Variants in MDGA1 observed in about 807,000 individuals in gnomAD.
MDGA1 encodes MAM domain-containing glycosylphosphatidylinositol anchor protein 1.
In MDGA1, 54 loss-of-function variants were observed where a neutral mutation model predicts 101.5. That is an observed-to-expected ratio of 0.53 (90% CI 0.43 to 0.67). The LOEUF is 0.67. Among genes scored for constraint, MDGA1 ranks in the 30% least tolerant of loss-of-function variants. MDGA1 has a pLI of 0.00. For missense variants in MDGA1, 1,083 were observed against 1,323.8 expected, an observed-to-expected ratio of 0.82 and a Z score of 2.82; for synonymous variants, 533 against 558.3, an observed-to-expected ratio of 0.95 and a Z score of 0.64.
chr6:37,663,249 T>C (rs1421639251), intron 2 of MDGA1, among the ~76,000 whole-genome samples: 4 of 152,178 alleles, frequency 2.6e-5, no homozygotes, highest in Non-Finnish European at 1.5e-5. Context: ...AGCCATACAC[T>C]TCGACGGTGA....
Position 37,632,188 on chromosome 6 carries a change from G to A in MDGA1, c.*5180C>T, listed in dbSNP as rs1450707007. On this transcript the variant is annotated 3_prime_UTR_variant, in exon 17 of 17. Transcript: ENST00000434837. ...AACCCTCTTCATACCTTCTTTCATAGCACCAATTTCCCTTCCCAGCCCTCA... is the reference window on the plus strand; with the variant it reads ...AACCCTCTTCATACCTTCTTTCATAACACCAATTTCCCTTCCCAGCCCTCA... The A allele has an allele frequency of 1.3e-5, 2 of 152,076 alleles. No individual in the cohort carries two copies. The highest frequency in any genetic ancestry group is 2.9e-5 in the Non-Finnish European group (2 of 68,036). 9.4% of individuals were successfully genotyped at this position (152,076 alleles called of 1,614,324 possible). A position where few individuals can be genotyped will look rare whatever the true frequency, so the allele number is the denominator to read the frequency against.
chr6:37,656,163 T>G (rs1205039703), intron 3 of MDGA1, among the ~76,000 whole-genome samples: 6 of 151,364 alleles, frequency 4.0e-5, no homozygotes, highest in African/African-American at 1.5e-4. Context: ...CTGCAACCTC[T>G]GATTCCCTGG....
At chr6:37,648,823 G>A (rs964501210) in intron 9 of MDGA1, among the ~76,000 whole-genome samples, 159 bp downstream of exon 9, 1 of 151,654 alleles carries the variant, frequency 6.6e-6, no homozygotes, top group African/African-American at 2.4e-5. Flanking sequence ...TGGCCTTGGC[G>A]TGGGCGGGTC....
rs893715791 is a variant in MDGA1 at position 37,631,112 on chromosome 6, T to C, written c.*6256A>G. On this transcript the variant is annotated 3_prime_UTR_variant, in exon 17 of 17. Transcript: ENST00000434837. ...CATCTTTATTCTACCACAGGTAGAA[T>C]ACAGAAGCACCAGAAGAATACAGAA... 3 of 152,200 alleles carry C rather than the reference T, an allele frequency of 2.0e-5. No homozygotes were observed. The highest frequency in any genetic ancestry group is 4.4e-5 in the Non-Finnish European group (3 of 68,038). The allele number at this position is 152,200 out of a possible 1,614,324, so 9.4% of individuals were successfully genotyped here.
intron 1 of MDGA1, among the ~76,000 whole-genome samples, chr6:37,674,686 A>G (rs1235991944): frequency 6.6e-6 from 1 of 152,202 alleles, no homozygotes; most frequent in East Asian, 1.9e-4. Context: ...AAGCCCTTTA[A>G]TGAGGACTTT....
intron 1 of MDGA1, among the ~76,000 whole-genome samples, chr6:37,664,600 TACACACACACAC>T (rs61046567): frequency 1.4e-4 from 16 of 118,206 alleles, no homozygotes; most frequent in South Asian, 1.2e-3. Flanking sequence ...TCCCCCACAA[TACACACACACAC>T]ACACACACAC....
chr6:37,685,914 T>C (rs1581630635), intron 1 of MDGA1, among the ~76,000 whole-genome samples: 1 of 151,958 alleles, frequency 6.6e-6, no homozygotes, highest in African/African-American at 2.4e-5. Flanking sequence ...GCTGGCAGAG[T>C]GGGGTGAGTG....
At chr6:37,693,020 T>C (rs559712612) in intron 1 of MDGA1, among the ~76,000 whole-genome samples, 1 of 152,202 alleles carries the variant, frequency 6.6e-6, no homozygotes, top group East Asian at 1.9e-4. Flanking sequence ...AGGGCCAAAA[T>C]CAACTTGGGA....
In MDGA1 at chr6:37,638,934, C is replaced by A; in HGVS notation, c.2537-267G>T. The A allele has an allele frequency of 2.5e-6, 1 of 407,150 alleles. No homozygotes were observed. The allele number at this position is 407,150 out of a possible 1,614,324, so 25.2% of individuals were successfully genotyped here. On this transcript the variant is annotated intron_variant, in intron 14 of 16. Coordinates refer to ENST00000434837, the MANE Select transcript of MDGA1 (RefSeq NM_153487.4). The surrounding 1 kb of genome is among the most constrained non-coding windows in gnomAD (Gnocchi z 4.8). Reference sequence around the variant, plus strand: ...TTTCCTGCCCTGCTAATCAGCTAATCTCCCCAACCCCAAACACACACATGC... The same window carrying A: ...TTTCCTGCCCTGCTAATCAGCTAATATCCCCAACCCCAAACACACACATGC...
At chr6:37,664,162 A>T in intron 1 of MDGA1, 56 bp from the exon 2 acceptor site, 1 of 1,606,346 alleles carries the variant, frequency 6.2e-7, no homozygotes, top group Middle Eastern at 1.7e-4. Context: ...GGCCAGAAGA[A>T]GTCTGGGGCT....
chr6:37,665,327 G>A (rs1012719295), intron 1 of MDGA1, among the ~76,000 whole-genome samples: 3 of 151,878 alleles, frequency 2.0e-5, no homozygotes, highest in African/African-American at 7.3e-5. Flanking sequence ...ACACAAGGAG[G>A]TAAAAATGAC....
In MDGA1 at chr6:37,655,862, C is replaced by A; in HGVS notation, c.417G>T (p.Thr139=). Residue 139 remains threonine, a synonymous_variant, in exon 4 of 17, where the codon ACG becomes ACT. Transcript: ENST00000434837. The surrounding 1 kb of genome is among the most constrained non-coding windows in gnomAD (Gnocchi z 5.1). ...LDEPMLTVHQ[T]VSDVRGNFYQ... ...AGAAGTTGCCTCGCACATCGCTCAC[C>A]GTCTGGTGCACCGTCAGCATTGGCT... 1 of 1,613,334 alleles carries A rather than the reference C, an allele frequency of 6.2e-7. No homozygotes were observed. The highest frequency in any genetic ancestry group is 8.5e-7 in the Non-Finnish European group (1 of 1,179,626).
intron 8 of MDGA1, 191 bp downstream of exon 8, chr6:37,649,918 T>C (rs1001280701): frequency 9.4e-6 from 7 of 743,798 alleles, no homozygotes; most frequent in Non-Finnish European, 1.7e-5. Flanking sequence ...GGGAGATACT[T>C]GATGAAATGG....
intron 1 of MDGA1, among the ~76,000 whole-genome samples, chr6:37,684,018 C>T (rs562643056): frequency 9.2e-5 from 14 of 152,330 alleles, no homozygotes; most frequent in African/African-American, 3.4e-4. Flanking sequence ...CACCATCATC[C>T]TCTTCCTCCA....
chr6:37,642,940 G>A (rs1764125321), intron 14 of MDGA1, among the ~76,000 whole-genome samples: 1 of 152,234 alleles, frequency 6.6e-6, no homozygotes, highest in Non-Finnish European at 1.5e-5. Flanking sequence ...GCTCCTACCA[G>A]TACCATTGCC....
intron 6 of MDGA1, 103 bp downstream of exon 6, chr6:37,654,171 G>C (rs1761428303): frequency 7.5e-7 from 1 of 1,334,294 alleles, no homozygotes; most frequent in South Asian, 1.6e-5. Flanking sequence ...CATCTACCAA[G>C]GAGAAGCAGA....
rs1761461978 is a variant in MDGA1 at position 37,655,434 on chromosome 6, T to A, written c.579+266A>T. 4.9e-6 allele frequency: 2 copies of A among 408,324 alleles called. No individual in the cohort carries two copies. Among genetic ancestry groups the A allele is most frequent in the African/African-American group, 2.0e-5 (1 of 50,286 alleles). The allele number at this position is 408,324 out of a possible 1,614,324, so 25.3% of individuals were successfully genotyped here. A position where few individuals can be genotyped will look rare whatever the true frequency, so the allele number is the denominator to read the frequency against. ...CCCAGCAGCAGACTGGGATGACCTG[T>A]CTGCCCCTAGGGGTGCCTTTTCCTA... On this transcript the variant is annotated intron_variant, in intron 4 of 16. Transcript: ENST00000434837. The surrounding 1 kb of genome is among the most constrained non-coding windows in gnomAD (Gnocchi z 5.1).
Position 37,652,059 on chromosome 6 carries a change from C to T in MDGA1, c.1264G>A (p.Ala422Thr), listed in dbSNP as rs1195885240. The change falls in exon 7 of 17, where the codon GCA becomes ACA. Residue 422 changes from alanine (A) to threonine (T), a missense_variant. Physicochemically the swap from Ala to Thr is moderately conservative, Grantham distance 58. Around this residue, in one of 3 missense-constraint regions of MDGA1, gnomAD observed 657 missense variants for 771.4 expected, o/e 0.85. Coordinates refer to ENST00000434837, the MANE Select transcript of MDGA1 (RefSeq NM_153487.4). The surrounding 1 kb of genome is among the most constrained non-coding windows in gnomAD (Gnocchi z 4.3). ...TCGACGCTGAGGTCGGGCACGGGTG[C>T]CCCTGGGAAAGAAGCCATGCACAGG... ...TYLCMASFPG[A>T]PVPDLSVEVN... 1.2e-6 allele frequency: 2 copies of T among 1,611,552 alleles called. No homozygotes were observed. Among genetic ancestry groups the T allele is most frequent in the East Asian group, 2.2e-5 (1 of 44,848 alleles).
At chr6:37,691,483 C>T (rs376363484) in intron 1 of MDGA1, among the ~76,000 whole-genome samples, 1 of 152,122 alleles carries the variant, frequency 6.6e-6, no homozygotes, top group East Asian at 1.9e-4. Context: ...AGGTTCATTC[C>T]CCCTCACACA....
Sources: gnomAD v4.1 joint callset for allele counts (sites outside exome capture counted in the v4.1 genomes callset) on GRCh38, gnomAD v4.1.1 for gene constraint, gnomAD v4.1.1 regional missense constraint, Gnocchi (gnomAD v3.1) non-coding constraint, MANE v1.5 for transcripts, NCBI Gene and HGNC (gene_info 2026-07-23, HGNC 2026-07-21) for gene names.